Variants in CSTF3 observed in about 807,000 individuals in gnomAD.
The protein encoded by CSTF3 is CF-1 77 kDa subunit.
CSTF3 carries 29 observed loss-of-function variants against 105.8 expected under a neutral mutation model. The ratio of observed to expected loss-of-function variants is 0.27; its 90% CI spans 0.20 to 0.37. The LOEUF (loss-of-function observed/expected upper bound fraction) is 0.37, where lower values mean the gene tolerates loss of function less well. CSTF3 is among the 10% of genes least tolerant of loss of function. The pLI, the probability that CSTF3 is intolerant of heterozygous loss-of-function variation, is 1.00. For missense variants in CSTF3, 357 were observed against 879.3 expected (o/e 0.41, Z 7.51); for synonymous variants, 252 against 281.9 (o/e 0.89, Z 1.06).
At chr11:33,137,584 C>T (rs1351174226) in intron 3 of CSTF3, among the ~76,000 whole-genome samples, 3 of 151,836 alleles carry the variant, frequency 2.0e-5, no homozygotes, top group African/African-American at 4.8e-5. Flanking sequence ...CAGATTATCA[C>T]TCAGTTCTGT....
chr11:33,102,383 CTG>C (rs1410036648), intron 9 of CSTF3, 44 bp from the exon 10 acceptor site: 2 of 1,599,526 alleles, frequency 1.3e-6, no homozygotes, highest in Non-Finnish European at 1.7e-6. Flanking sequence ...CCAGGAACAA[CTG>C]AGATATATGG....
At chr11:33,148,838 T>C (rs1855819247) in intron 1 of CSTF3, among the ~76,000 whole-genome samples, 1 of 150,702 alleles carries the variant, frequency 6.6e-6, no homozygotes, top group Admixed American at 6.7e-5. Context: ...GGAAAAAGCA[T>C]GTGTGTGTGT....
intron 10 of CSTF3, among the ~76,000 whole-genome samples, chr11:33,101,048 T>C (rs1289726739): frequency 6.6e-6 from 1 of 152,170 alleles, no homozygotes; most frequent in Non-Finnish European, 1.5e-5. Flanking sequence ...ATCAGGAGAC[T>C]GAGCCCTTAA....
At chr11:33,150,764 G>A (rs1855849907) in intron 1 of CSTF3, among the ~76,000 whole-genome samples, 1 of 151,852 alleles carries the variant, frequency 6.6e-6, no homozygotes, top group South Asian at 2.1e-4. Context: ...GATGAGGTGG[G>A]AGGATGGCTT....
At chr11:33,130,337 G>A (rs1855586003) in intron 3 of CSTF3, among the ~76,000 whole-genome samples, 1 of 152,114 alleles carries the variant, frequency 6.6e-6, no homozygotes, top group Admixed American at 6.5e-5. Context: ...GCCAGGTGTG[G>A]TGATGGGCGC....
At chr11:33,113,183 G>A (rs1855397056) in intron 3 of CSTF3, among the ~76,000 whole-genome samples, 1 of 151,136 alleles carries the variant, frequency 6.6e-6, no homozygotes, top group Non-Finnish European at 1.5e-5. Flanking sequence ...TCCAGCTTGG[G>A]CAGCAGAGTG....
chr11:33,142,183 T>C (rs1001485825), intron 1 of CSTF3, among the ~76,000 whole-genome samples, 197 bp from the exon 2 acceptor site: 10 of 152,012 alleles, frequency 6.6e-5, no homozygotes, highest in African/African-American at 2.4e-4. Context: ...CGCATCCTTA[T>C]ACTCAACCAA....
At position 33,102,027 on chromosome 11, in the gene CSTF3, A is replaced by C. The variant is rs1855285972; in HGVS notation, c.826+150T>G. Reference sequence around the variant, plus strand: ...CTGCATATGATGAAAACAAAGGTTCAGTGAATATGGAGATAGATCTATAGG... The same window carrying C: ...CTGCATATGATGAAAACAAAGGTTCCGTGAATATGGAGATAGATCTATAGG... On this transcript the variant is annotated intron_variant, in intron 10 of 20. Transcript: ENST00000323959. The C allele has an allele frequency of 9.3e-6, 5 of 537,706 alleles. No individual in the cohort carries two copies. The South Asian group carries it at 1.9e-4, about 21-fold the overall frequency. The allele number at this position is 537,706 out of a possible 1,614,324, so 33.3% of individuals were successfully genotyped here.
chr11:33,155,056 T>C (rs1217877148), intron 1 of CSTF3, among the ~76,000 whole-genome samples: 1 of 144,806 alleles, frequency 6.9e-6, no homozygotes, highest in Non-Finnish European at 1.5e-5. Context: ...CTCAAAAACT[T>C]AAAAAAAAAA....
intron 13 of CSTF3, among the ~76,000 whole-genome samples, chr11:33,097,590 A>G (rs1272892188): frequency 6.6e-6 from 1 of 152,086 alleles, no homozygotes; most frequent in Admixed American, 6.5e-5. Flanking sequence ...GCTGGTCTCA[A>G]TCTCCTGACC....
intron 17 of CSTF3, among the ~76,000 whole-genome samples, chr11:33,088,219 A>G (rs75795048): frequency 0.13 from 19,082 of 151,882 alleles, 3,002 homozygotes; most frequent in African/African-American, 0.37. Context: ...AAAACAAAAG[A>G]GTAGAAATAG....
At chr11:33,147,190 G>A (rs1205485265) in intron 1 of CSTF3, among the ~76,000 whole-genome samples, 1 of 152,054 alleles carries the variant, frequency 6.6e-6, no homozygotes, top group Non-Finnish European at 1.5e-5. Context: ...CTAGCTACCT[G>A]GGACACTGAG....
chr11:33,139,005 C>T (rs1290512457), intron 3 of CSTF3, among the ~76,000 whole-genome samples: 1 of 151,858 alleles, frequency 6.6e-6, no homozygotes, highest in Non-Finnish European at 1.5e-5. Flanking sequence ...CCAAATTTTA[C>T]ATAGCTAAAT....
At chr11:33,158,414 AG>A (rs1849893649) in intron 1 of CSTF3, among the ~76,000 whole-genome samples, 1 of 152,216 alleles carries the variant, frequency 6.6e-6, no homozygotes, top group Non-Finnish European at 1.5e-5. Context: ...TCTTTTTTGC[AG>A]AAAGTATGAG....
At chr11:33,153,410 T>C (rs1189944181) in intron 1 of CSTF3, among the ~76,000 whole-genome samples, 1 of 152,088 alleles carries the variant, frequency 6.6e-6, no homozygotes, top group Non-Finnish European at 1.5e-5. Context: ...ATAACTTTTA[T>C]TAGGAGGTTG....
chr11:33,143,535 C>T (rs960613447), intron 1 of CSTF3, among the ~76,000 whole-genome samples: 4 of 151,974 alleles, frequency 2.6e-5, no homozygotes, highest in African/African-American at 7.3e-5. Flanking sequence ...AGATTACTTG[C>T]GGCCAGGAGT....
chr11:33,121,165 G>C (rs1354563363), intron 3 of CSTF3, among the ~76,000 whole-genome samples: 1 of 152,000 alleles, frequency 6.6e-6, no homozygotes, highest in Non-Finnish European at 1.5e-5. Flanking sequence ...TTGGAGGTTT[G>C]AAAAGTAGAC....
At position 33,085,986 on chromosome 11, in the gene CSTF3, G is replaced by A; in HGVS notation, c.1799C>T (p.Pro600Leu). The change falls in exon 19 of 21, where the codon CCA becomes CTA. Residue 600 changes from proline to leucine, a missense_variant. This residue lies in a region of CSTF3 where 206 missense variants were observed against 576.5 expected (regional missense o/e 0.36). Transcript: ENST00000323959. ...IPFQPRHLAP[P>L]GLHPVPGGVF... ...TCCACCAGGTACAGGGTGTAAACCTGGAGCTGTGAGAAAAAGAAAAGTATG... is the reference window on the plus strand; with the variant it reads ...TCCACCAGGTACAGGGTGTAAACCTAGAGCTGTGAGAAAAAGAAAAGTATG... 2 of 1,478,034 alleles carry A rather than the reference G, an allele frequency of 1.4e-6. No individual in the cohort carries two copies. Among genetic ancestry groups the A allele is most frequent in the Non-Finnish European group, 1.8e-6 (2 of 1,115,652 alleles). The allele number at this position is 1,478,034 out of a possible 1,614,324, so 91.6% of individuals were successfully genotyped here.
chr11:33,125,277 A>T (rs1306131263), intron 3 of CSTF3, among the ~76,000 whole-genome samples: 1 of 152,046 alleles, frequency 6.6e-6, no homozygotes, highest in African/African-American at 2.4e-5. Flanking sequence ...ATCTTATCTA[A>T]ATTCTAGTTT....
Sources: allele counts gnomAD v4.1 joint callset (sites outside exome capture counted in the v4.1 genomes callset), GRCh38; gene constraint gnomAD v4.1.1; regional missense constraint gnomAD v4.1.1; transcripts MANE v1.5; gene names NCBI Gene and HGNC (gene_info 2026-07-23, HGNC 2026-07-21).